Variants in DHRS2 observed in about 807,000 individuals in gnomAD.
DHRS2 encodes the protein dehydrogenase/reductase 2.
DHRS2 carries 29 observed loss-of-function variants against 26.3 expected under a neutral mutation model. That is an observed-to-expected ratio of 1.10 (90% CI 0.82 to 1.50). The LOEUF (loss-of-function observed/expected upper bound fraction) is 1.50. Among genes scored for constraint, DHRS2 ranks in the 40% most tolerant of loss-of-function variants. The pLI, the probability that DHRS2 is intolerant of heterozygous loss-of-function variation, is 0.00. For synonymous variants in DHRS2, 164 were observed against 151.3 expected, an observed-to-expected ratio of 1.08 and a Z score of -0.62; for missense variants, 439 against 367.1, an observed-to-expected ratio of 1.20 and a Z score of -1.60.
Position 23,639,273 on chromosome 14 carries a change from A to C in DHRS2, c.235A>C (p.Lys79Gln), listed in dbSNP as rs992735040. 2.5e-6 allele frequency: 4 copies of C among 1,611,288 alleles called. No individual in the cohort carries two copies. In the African/African-American group the frequency reaches 4.0e-5, roughly 16 times the overall value. ...GCAGAACGTGGACCGGGCCATGGCC[A>C]AGCTGCAGGGGGAGGGGCTGAGTGT... ...KQQNVDRAMA[K>Q]LQGEGLSVAG... Residue 79 changes from lysine (K) to glutamine (Q), a missense_variant, in exon 3 of 9, where the codon AAG becomes CAG. By Grantham distance (53) the Lys-to-Gln change is moderately conservative. Coordinates refer to ENST00000250383, the MANE Select transcript of DHRS2 (RefSeq NM_005794.4).
chr14:23,639,984 T>G, intron 4 of DHRS2, 89 bp downstream of exon 4: 3 of 1,180,686 alleles, frequency 2.5e-6, no homozygotes, highest in Non-Finnish European at 2.2e-6. Flanking sequence ...AAGACTCTGT[T>G]TCCCTCCAGA....
chr14:23,633,649 A>C (rs1890182300), upstream of DHRS2, among the ~76,000 whole-genome samples: 1 of 152,108 alleles, frequency 6.6e-6, no homozygotes, highest in Non-Finnish European at 1.5e-5. Context: ...GCCTGTGTTC[A>C]AGGAACTCAC....
chr14:23,635,908 TG>T (rs1244989657), upstream of DHRS2, among the ~76,000 whole-genome samples: 3 of 152,254 alleles, frequency 2.0e-5, no homozygotes, highest in Non-Finnish European at 2.9e-5. Flanking sequence ...GAGCTCCCTC[TG>T]GGCTGCTGGA....
Position 23,639,276 on chromosome 14 carries a change from C to A in DHRS2, c.238C>A (p.Leu80Met). The change falls in exon 3 of 9, where the codon CTG becomes ATG. Residue 80 changes from leucine to methionine, a missense_variant. Leu to Met is a conservative substitution (Grantham distance 15). Transcript: ENST00000250383. ...QQNVDRAMAKLQGEGLSVAGI... is the reference protein window; with the variant it reads ...QQNVDRAMAKMQGEGLSVAGI... The stretch of plus-strand genomic sequence containing the variant: ...GAACGTGGACCGGGCCATGGCCAAG[C>A]TGCAGGGGGAGGGGCTGAGTGTGGC... 1 of 1,610,718 alleles carries A rather than the reference C, an allele frequency of 6.2e-7. No individual in the cohort carries two copies. Among genetic ancestry groups the A allele is most frequent in the South Asian group, 1.1e-5 (1 of 90,442 alleles).
rs112202270 is a variant in DHRS2 at position 23,645,127 on chromosome 14, C to A, written c.732-15C>A. On this transcript the variant is annotated splice_polypyrimidine_tract_variant and intron_variant, in intron 8 of 8. Transcript: ENST00000250383. ...GAGTACAAGATGCTTGACACTGTGT[C>A]CTTCTTCCATCCAGGATTGGGGAGT... 1.4e-4 allele frequency: 226 copies of A among 1,613,982 alleles called. 1 individual carries two copies. In the African/African-American group the frequency reaches 2.2e-3, roughly 16 times the overall value.
intron 4 of DHRS2, 21 bp from the exon 5 acceptor site, chr14:23,643,131 C>T (rs962193068): frequency 1.2e-6 from 2 of 1,613,532 alleles, no homozygotes; most frequent in Non-Finnish European, 1.7e-6. Context: ...TGCCCTCACC[C>T]ATGCTCTGCT....
rs1359613862 is a variant in DHRS2, at chr14:23,645,327, A to C, written c.*74A>C. On this transcript the variant is annotated 3_prime_UTR_variant, in exon 9 of 9. Coordinates refer to ENST00000250383, the MANE Select transcript of DHRS2 (RefSeq NM_005794.4). ...AGGGGGTGTCTAGGTGATCATTTGG[A>C]TCTGGAGGCAGAGTCTGCCATTCTG... 6.2e-7 allele frequency: 1 copy of C among 1,606,546 alleles called. No individual in the cohort carries two copies. Among genetic ancestry groups the C allele is most frequent in the South Asian group, 1.1e-5 (1 of 90,998 alleles).
chr14:23,636,976 C>G, intron 1 of DHRS2, among the ~76,000 whole-genome samples: 1 of 152,158 alleles, frequency 6.6e-6, no homozygotes, highest in East Asian at 1.9e-4. Flanking sequence ...TGCCTGGAAC[C>G]AGCTTCCGCT....
upstream of DHRS2, among the ~76,000 whole-genome samples, chr14:23,634,546 G>A (rs150366907): frequency 3.1e-3 from 471 of 152,168 alleles, 2 homozygotes; most frequent in African/African-American, 0.011. Context: ...CAAATAATAT[G>A]TATTCTTTTG....
chr14:23,643,751 C>CT, intron 5 of DHRS2: 1 of 353,726 alleles, frequency 2.8e-6, no homozygotes, highest in East Asian at 6.6e-5. Context: ...TCTGGTCTCC[C>CT]TTACCCCATC....
At chr14:23,637,163 A>G (rs886964602) in intron 1 of DHRS2, among the ~76,000 whole-genome samples, 1 of 152,120 alleles carries the variant, frequency 6.6e-6, no homozygotes, top group Non-Finnish European at 1.5e-5. Flanking sequence ...GCTGGGTCCT[A>G]ATGCCTGCCA....
intron 4 of DHRS2, chr14:23,641,626 A>G (rs899458918): frequency 7.8e-6 from 10 of 1,289,514 alleles, no homozygotes; most frequent in Non-Finnish European, 8.1e-6. Flanking sequence ...TGACCAGGAA[A>G]CCCTTACAGC....
At chr14:23,635,101 C>T (rs1187018744), upstream of DHRS2, among the ~76,000 whole-genome samples, 1 of 151,886 alleles carries the variant, frequency 6.6e-6, no homozygotes, top group Non-Finnish European at 1.5e-5. Context: ...CTTGCTCTCT[C>T]TCCCAGGCTG....
intron 3 of DHRS2, 116 bp downstream of exon 3, chr14:23,639,472 G>C: frequency 7.2e-7 from 1 of 1,383,324 alleles, no homozygotes; most frequent in Non-Finnish European, 9.5e-7. Context: ...ACTGCACCCA[G>C]GCTGCCCAAG....
rs142650346 is a variant in DHRS2, at chr14:23,638,942, C to T, written c.78C>T (p.Thr26=). 1.7e-5 allele frequency: 27 copies of T among 1,614,122 alleles called. No homozygotes were observed. The highest frequency in any genetic ancestry group is 1.7e-4 in the Middle Eastern group (1 of 6,026). The part of the protein sequence containing the change: ...CARLSVRMSS[T]GIDRKGVLAN... ...GGCTTTCTGTGAGGATGAGCAGCAC[C>T]GGGATAGACAGGAAGGGCGTCCTGG... Residue 26 remains threonine (T), a synonymous_variant, in exon 2 of 9, where the codon ACC becomes ACT. Coordinates refer to ENST00000250383, the MANE Select transcript of DHRS2 (RefSeq NM_005794.4).
chr14:23,635,968 G>A (rs887556402), upstream of DHRS2, among the ~76,000 whole-genome samples: 6 of 152,250 alleles, frequency 3.9e-5, no homozygotes, highest in Non-Finnish European at 7.3e-5. Context: ...CCATTGAGAG[G>A]TGAAGCCGGC....
chr14:23,643,999 A>G (rs1036411145), intron 5 of DHRS2, 112 bp from the exon 6 acceptor site: 15 of 1,094,740 alleles, frequency 1.4e-5, no homozygotes, highest in Non-Finnish European at 2.0e-5. Context: ...GGGGACAGTA[A>G]TAGGACCTGT....
rs772572636 is a variant in DHRS2, at chr14:23,639,387, G to A, written c.318+31G>A. On this transcript the variant is annotated intron_variant, in intron 3 of 8. Transcript: ENST00000250383. ...GGGGCAGGCGGTGGAAGGACACAGA[G>A]AGGGGAACATGCAGAACCTTTCCTT... The A allele has an allele frequency of 1.9e-6, 3 of 1,544,808 alleles. No homozygotes were observed. In the African/African-American group the frequency reaches 4.1e-5, roughly 21 times the overall value.
chr14:23,644,641 A>C, intron 7 of DHRS2, 98 bp downstream of exon 7: 1 of 1,575,786 alleles, frequency 6.3e-7, no homozygotes, highest in Non-Finnish European at 8.7e-7. Context: ...TTAGGTCAGC[A>C]TGCCTATGAC....
Sources: gnomAD v4.1 joint callset for allele counts (sites outside exome capture counted in the v4.1 genomes callset) on GRCh38, gnomAD v4.1.1 for gene constraint, MANE v1.5 for transcripts, NCBI Gene and HGNC (gene_info 2026-07-23, HGNC 2026-07-21) for gene names.